Variants in PCBD2 observed in about 807,000 individuals in gnomAD.
PCBD2 encodes pterin-4-alpha-carbinolamine dehydratase 2.
PCBD2 carries 12 observed loss-of-function variants against 16.4 expected under a neutral mutation model. The observed-to-expected ratio is 0.73, with a 90% CI of 0.47 to 1.19. The LOEUF (loss-of-function observed/expected upper bound fraction) is 1.19, where lower values mean the gene tolerates loss of function less well. PCBD2 is among the 50% of genes most tolerant of loss of function. The pLI, the probability that PCBD2 is intolerant of heterozygous loss-of-function variation, is 0.00. For synonymous variants in PCBD2, 58 were observed against 61.8 expected, an observed-to-expected ratio of 0.94 and a Z score of 0.29; for missense variants, 138 against 156.8, an observed-to-expected ratio of 0.88 and a Z score of 0.64.
intron 2 of PCBD2, among the ~76,000 whole-genome samples, chr5:134,947,389 A>ATT (rs1220114582): frequency 0.038 from 3,892 of 102,956 alleles, 286 homozygotes; most frequent in African/African-American, 0.11. Flanking sequence ...CCCGGCCTCA[A>ATT]TTTTTTTTTT....
chr5:134,920,377 G>T (rs1197573462), intron 2 of PCBD2, among the ~76,000 whole-genome samples: 2 of 152,126 alleles, frequency 1.3e-5, no homozygotes, highest in South Asian at 2.1e-4. Flanking sequence ...TAGAAAGGTT[G>T]TTTTTTTGAT....
intron 2 of PCBD2, among the ~76,000 whole-genome samples, chr5:134,944,090 C>T (rs1751263745): frequency 1.3e-5 from 2 of 152,130 alleles, no homozygotes; most frequent in African/African-American, 2.4e-5. Flanking sequence ...GTCAGACAGG[C>T]GTTTTGTTTT....
intron 1 of PCBD2, chr5:134,908,945 T>A (rs890593582): frequency 6.6e-6 from 1 of 152,174 alleles, no homozygotes; most frequent in African/African-American, 2.4e-5. Flanking sequence ...TCACTAATGT[T>A]CATCTTTCTG....
intron 2 of PCBD2, among the ~76,000 whole-genome samples, chr5:134,957,876 C>T (rs1016585295): frequency 2.0e-5 from 3 of 152,168 alleles, no homozygotes; most frequent in Admixed American, 2.0e-4. Context: ...CCTCAAATGT[C>T]AACATGGAAA....
chr5:134,957,134 G>C (rs1372266682), intron 2 of PCBD2, among the ~76,000 whole-genome samples: 1 of 152,136 alleles, frequency 6.6e-6, no homozygotes, highest in East Asian at 1.9e-4. Context: ...GTGGTGGCAG[G>C]TGCCTGTAAT....
At chr5:134,924,528 C>T (rs1032823609) in intron 2 of PCBD2, 170 of 397,406 alleles carry the variant, frequency 4.3e-4, no homozygotes, top group Middle Eastern at 1.2e-3. Context: ...AGGGCTGATT[C>T]GGGAGGATCC....
At chr5:134,955,309 GTTT>G (rs201125597) in intron 2 of PCBD2, among the ~76,000 whole-genome samples, 3 of 131,102 alleles carry the variant, frequency 2.3e-5, no homozygotes, top group Admixed American at 7.7e-5. Context: ...AGCAACAATG[GTTT>G]TTTTTTTTTT....
At position 134,910,336 on chromosome 5, in the gene PCBD2, C is replaced by A; in HGVS notation, c.86C>A (p.Ser29Ter). The A allele has an allele frequency of 6.2e-7, 1 of 1,613,626 alleles. No homozygotes were observed. Among genetic ancestry groups the A allele is most frequent in the Non-Finnish European group, 8.5e-7 (1 of 1,179,800 alleles). Reference sequence around the variant, plus strand: ...ATATGAAATGTGTTCTCTTCATAGTCATCAGGTACTCACAGGTTGACTGCA... The same window carrying A: ...ATATGAAATGTGTTCTCTTCATAGTAATCAGGTACTCACAGGTTGACTGCA... ...RGQSLGLAAM[S>*]SGTHRLTAEE... The change falls in exon 2 of 4, where the codon TCA becomes TAA. Residue 29 changes from serine to a stop codon, truncating the protein, a stop_gained and splice_region_variant. Transcript: ENST00000254908. LOFTEE classifies it high-confidence loss of function.
At chr5:134,919,419 T>A (rs1251400512) in intron 2 of PCBD2, among the ~76,000 whole-genome samples, 1 of 152,224 alleles carries the variant, frequency 6.6e-6, no homozygotes, top group African/African-American at 2.4e-5. Context: ...TATCAACAGA[T>A]GTTATCATAT....
intron 2 of PCBD2, among the ~76,000 whole-genome samples, chr5:134,919,276 A>T (rs1402881266): frequency 2.0e-5 from 3 of 152,234 alleles, no homozygotes; most frequent in Non-Finnish European, 4.4e-5. Flanking sequence ...AAGGTATTTC[A>T]GATTTATGCT....
intron 1 of PCBD2, among the ~76,000 whole-genome samples, chr5:134,907,092 C>A (rs1750701457): frequency 6.6e-6 from 1 of 152,210 alleles, no homozygotes; most frequent in African/African-American, 2.4e-5. Flanking sequence ...GAGAAAACAG[C>A]TCAGTGTGTT....
chr5:134,960,532 A>G lies in PCBD2; in HGVS notation c.298-54A>G, dbSNP rs972098403. The G allele has an allele frequency of 1.3e-5, 17 of 1,282,922 alleles. No homozygotes were observed. The African/African-American group carries it at 1.9e-4, about 15-fold the overall frequency. 79.5% of individuals were successfully genotyped at this position (1,282,922 alleles called of 1,614,324 possible). On this transcript the variant is annotated intron_variant, in intron 3 of 3. Coordinates refer to ENST00000254908, the MANE Select transcript of PCBD2 (RefSeq NM_032151.5). ...GACTGATTTCTGAACTGCCAAAGGA[A>G]AATAACCATGATTTGCTGCTCAGAG...
chr5:134,906,947 G>A (rs1388904494), intron 1 of PCBD2, among the ~76,000 whole-genome samples: 1 of 152,194 alleles, frequency 6.6e-6, no homozygotes, highest in African/African-American at 2.4e-5. Context: ...CCTCATGGGG[G>A]CCTTTGATGT....
intron 2 of PCBD2, among the ~76,000 whole-genome samples, chr5:134,950,773 T>C (rs1396085675): frequency 1.3e-5 from 2 of 152,212 alleles, no homozygotes; most frequent in East Asian, 3.8e-4. Context: ...CATAAAATGT[T>C]TGTAATTTGC....
intron 2 of PCBD2, among the ~76,000 whole-genome samples, chr5:134,933,921 A>G (rs1480573043): frequency 1.1e-4 from 17 of 152,230 alleles, no homozygotes. Flanking sequence ...CACCATTCTC[A>G]CAGCTTAGTG....
intron 2 of PCBD2, chr5:134,926,120 T>C (rs1312496530): frequency 6.0e-6 from 2 of 330,986 alleles, no homozygotes; most frequent in Non-Finnish European, 1.1e-5. Flanking sequence ...AATTGATTAA[T>C]GTTTGGGTCT....
At chr5:134,915,889 C>T (rs1309231432) in intron 2 of PCBD2, among the ~76,000 whole-genome samples, 1 of 152,142 alleles carries the variant, frequency 6.6e-6, no homozygotes, top group Non-Finnish European at 1.5e-5. Context: ...GCAATGGCAG[C>T]ACCTCTCCTG....
intron 2 of PCBD2, among the ~76,000 whole-genome samples, chr5:134,929,228 T>A (rs1351731960): frequency 6.6e-6 from 1 of 151,914 alleles, no homozygotes; most frequent in East Asian, 1.9e-4. Context: ...TTGCCTGTAA[T>A]CCCAGCATTT....
chr5:134,915,699 C>T (rs561320962), intron 2 of PCBD2, among the ~76,000 whole-genome samples: 1 of 152,180 alleles, frequency 6.6e-6, no homozygotes, highest in African/African-American at 2.4e-5. Context: ...GATCCTCCTG[C>T]CTCAGCCTCT....
Sources: allele counts gnomAD v4.1 joint callset (sites outside exome capture counted in the v4.1 genomes callset), GRCh38; gene constraint gnomAD v4.1.1; transcripts MANE v1.5; gene names NCBI Gene and HGNC (gene_info 2026-07-23, HGNC 2026-07-21).